The following LEMD2 variants were observed in gnomAD, a reference collection of about 807,000 sequenced individuals.
LEMD2 encodes LEM domain-containing protein 2.
LEMD2 carries 34 observed loss-of-function variants against 58.8 expected under a neutral mutation model. The ratio of observed to expected loss-of-function variants is 0.58; its 90% CI spans 0.44 to 0.77. The LOEUF is 0.77. LEMD2 is among the 30% of genes least tolerant of loss of function. The pLI is 0.00. For synonymous variants in LEMD2, 298 were observed against 308.9 expected (o/e 0.96, Z 0.37); for missense variants, 629 against 717.9 (o/e 0.88, Z 1.42).
chr6:33,778,112 T>C lies in LEMD2; in HGVS notation c.1156+130A>G. 1.2e-6 allele frequency: 1 copy of C among 866,554 alleles called. No homozygotes were observed. Among genetic ancestry groups the C allele is most frequent in the East Asian group, 3.1e-5 (1 of 31,814 alleles). 53.7% of individuals were successfully genotyped at this position (866,554 alleles called of 1,614,324 possible). On this transcript the variant is annotated intron_variant, in intron 6 of 8. Coordinates refer to ENST00000293760, the MANE Select transcript of LEMD2 (RefSeq NM_181336.4). The surrounding 1 kb of genome is among the most constrained non-coding windows in gnomAD (Gnocchi z 4.7). The stretch of plus-strand genomic sequence containing the variant: ...GGCTGACTTGTTCATCTCCTCTGTT[T>C]TATGAGACAGACCTCAGGTTCACTA...
intron 8 of LEMD2, 116 bp from the exon 9 acceptor site, chr6:33,772,894 G>A (rs778242755): frequency 1.8e-5 from 17 of 942,076 alleles, no homozygotes; most frequent in Admixed American, 2.7e-5. Context: ...ATGTAAGAGA[G>A]GAAAAGCTGG....
At chr6:33,781,689 C>T (rs1162142464) in intron 3 of LEMD2, 1 of 153,418 alleles carries the variant, frequency 6.5e-6, no homozygotes, top group Non-Finnish European at 1.4e-5. Context: ...AGGCCTGCTC[C>T]CATAGGATGG....
chr6:33,784,477 G>GGGGGCCCCCCC, intron 2 of LEMD2, 50 bp from the exon 3 acceptor site: 2 of 430,800 alleles, frequency 4.6e-6, no homozygotes, highest in Non-Finnish European at 9.5e-6. Context: ...GGTGGGAGGG[G>GGGGGCCCCCCC]TCCGTCTGTC....
At chr6:33,783,598 A>G (rs995611864) in intron 3 of LEMD2, among the ~76,000 whole-genome samples, 4 of 152,270 alleles carry the variant, frequency 2.6e-5, no homozygotes, top group Non-Finnish European at 4.4e-5. Flanking sequence ...TGATTTTGAG[A>G]GCCTCCTGGA....
At chr6:33,777,449 C>T (rs888749277) in intron 6 of LEMD2, among the ~76,000 whole-genome samples, 5 of 152,222 alleles carry the variant, frequency 3.3e-5, no homozygotes, top group South Asian at 2.1e-4. Flanking sequence ...TTCCTCCCAC[C>T]GGCTGTCACC....
At position 33,788,400 on chromosome 6, in the gene LEMD2, C is replaced by T. The variant is rs1473250577; in HGVS notation, c.717G>A (p.Pro239=). 2 of 1,581,174 alleles carry T rather than the reference C, an allele frequency of 1.3e-6. No individual in the cohort carries two copies. The highest frequency in any genetic ancestry group is 8.6e-7 in the Non-Finnish European group (1 of 1,164,892). The part of the protein sequence containing the change: ...LWVKMGKPSA[P]QEAEDNMKLL... ...ACGTACTGTTGTCCTCCGCCTCCTG[C>T]GGCGCTGAGGGCTTGCCCATCTTCA... The change falls in exon 1 of 9, where the codon CCG becomes CCA. Residue 239 remains proline (P), a synonymous_variant. Coordinates refer to ENST00000293760, the MANE Select transcript of LEMD2 (RefSeq NM_181336.4).
At chr6:33,787,647 A>G (rs1057049331) in intron 1 of LEMD2, among the ~76,000 whole-genome samples, 12 of 152,246 alleles carry the variant, frequency 7.9e-5, no homozygotes, top group African/African-American at 2.7e-4. Context: ...TCCTTTCAGA[A>G]AACACACAAT....
At chr6:33,780,069 C>T in intron 5 of LEMD2, 31 bp downstream of exon 5, 1 of 1,542,850 alleles carries the variant, frequency 6.5e-7, no homozygotes, top group Non-Finnish European at 8.8e-7. Context: ...TGCAGGCACC[C>T]ATGCTGCGTC....
Position 33,771,732 on chromosome 6 carries a change from G to A in LEMD2, c.*896C>T, listed in dbSNP as rs868741340. 1.3e-5 allele frequency: 2 copies of A among 152,244 alleles called. No individual in the cohort carries two copies. Among genetic ancestry groups the A allele is most frequent in the African/African-American group, 2.4e-5 (1 of 41,464 alleles). The allele number at this position is 152,244 out of a possible 1,614,324, so 9.4% of individuals were successfully genotyped here. A position where few individuals can be genotyped will look rare whatever the true frequency, so the allele number is the denominator to read the frequency against. On this transcript the variant is annotated 3_prime_UTR_variant, in exon 9 of 9. Coordinates refer to ENST00000293760, the MANE Select transcript of LEMD2 (RefSeq NM_181336.4). ...CCCGCCGCCAAGAGCCGCGGCCGGG[G>A]TAACAGAAACGCCGGCTGCGCTGAA...
At chr6:33,786,988 T>A in intron 1 of LEMD2, 1 of 1,079,264 alleles carries the variant, frequency 9.3e-7, no homozygotes, top group Non-Finnish European at 1.3e-6. Context: ...AGCTGGGTCC[T>A]TGTCCCAGCT....
In LEMD2 at chr6:33,778,464, G is replaced by A. The variant is rs943818118; in HGVS notation, c.1011-77C>T. On this transcript the variant is annotated intron_variant, in intron 5 of 8. Coordinates refer to ENST00000293760, the MANE Select transcript of LEMD2 (RefSeq NM_181336.4). This position sits in a 1 kb window ranked among gnomAD's most constrained non-coding sequence, Gnocchi z 4.7. ...AGTGCAAGCCCCACTTCAAACAGGA[G>A]GAAGCGAAGGAAAGTGGGGACGCAA... 8.0e-7 allele frequency: 1 copy of A among 1,248,548 alleles called. No homozygotes were observed. Among genetic ancestry groups the A allele is most frequent in the Non-Finnish European group, 1.1e-6 (1 of 937,220 alleles). The allele number at this position is 1,248,548 out of a possible 1,614,324, so 77.3% of individuals were successfully genotyped here. A position where few individuals can be genotyped will look rare whatever the true frequency, so the allele number is the denominator to read the frequency against.
rs903098097 is a variant in LEMD2 at position 33,789,125 on chromosome 6, C to T, written c.-9G>A. On this transcript the variant is annotated 5_prime_UTR_variant, in exon 1 of 9. Coordinates refer to ENST00000293760, the MANE Select transcript of LEMD2 (RefSeq NM_181336.4). ...TCCGACAGGCCGGCCATGGCCAGGA[C>T]GCCGCCCCCCGCCCGCCCCTGGCGC... 1 of 1,494,240 alleles carries T rather than the reference C, an allele frequency of 6.7e-7. No individual in the cohort carries two copies. The allele number at this position is 1,494,240 out of a possible 1,614,324, so 92.6% of individuals were successfully genotyped here.
chr6:33,788,784 C>G lies in LEMD2; in HGVS notation c.333G>C (p.Ala111=), dbSNP rs1767749153. 2.8e-6 allele frequency: 4 copies of G among 1,451,944 alleles called. No homozygotes were observed. The highest frequency in any genetic ancestry group is 3.6e-6 in the Non-Finnish European group (4 of 1,104,502). The allele number at this position is 1,451,944 out of a possible 1,614,324, so 89.9% of individuals were successfully genotyped here. A position where few individuals can be genotyped will look rare whatever the true frequency, so the allele number is the denominator to read the frequency against. The change falls in exon 1 of 9, where the codon GCG becomes GCC. Residue 111 remains alanine, a synonymous_variant. Coordinates refer to ENST00000293760, the MANE Select transcript of LEMD2 (RefSeq NM_181336.4). Reference sequence around the variant, plus strand: ...GGCCGCGGCTCCCTACCCAGGAAGCCGCGGAGGGCCGGATATCACCGTAGG... The same window carrying G: ...GGCCGCGGCTCCCTACCCAGGAAGCGGCGGAGGGCCGGATATCACCGTAGG... The part of the protein sequence containing the change: ...PGAYGDIRPS[A]ASWVGSRGLA...
chr6:33,775,821 C>T (rs928813466), intron 8 of LEMD2, among the ~76,000 whole-genome samples: 2 of 152,194 alleles, frequency 1.3e-5, no homozygotes, highest in African/African-American at 4.8e-5. Flanking sequence ...TGGTGAGGAC[C>T]AAGTGAGTGA....
rs2127384441 is a variant in LEMD2, at chr6:33,788,762, C to A, written c.355G>T (p.Gly119Cys). ...GCCGGGCGGGCAGGATAGGCGAGGC[C>A]GCGGCTCCCTACCCAGGAAGCCGCG... ...PSAASWVGSR[G>C]LAYPARPAQL... The change falls in exon 1 of 9, where the codon GGC (glycine) becomes TGC (cysteine). Residue 119 changes from glycine to cysteine, a missense_variant. By Grantham distance (159) the Gly-to-Cys change is radical. Coordinates refer to ENST00000293760, the MANE Select transcript of LEMD2 (RefSeq NM_181336.4). The A allele has an allele frequency of 1.4e-6, 2 of 1,448,916 alleles. No individual in the cohort carries two copies. The highest frequency in any genetic ancestry group is 1.3e-5 in the South Asian group (1 of 74,780). 89.8% of individuals were successfully genotyped at this position (1,448,916 alleles called of 1,614,324 possible).
rs1298787839 is a variant in LEMD2, at chr6:33,788,489, G to C, written c.628C>G (p.Leu210Val). ...PEVGRRLERW[L>V]SRLLLWASLG... is the part of the protein sequence containing the mutation. ...CTGGCCCAGAGCAGAAGCCGAGAGA[G>C]CCAGCGCTCCAGCCGGCGCCCCACC... The change falls in exon 1 of 9, where the codon CTC becomes GTC. Residue 210 changes from leucine (L) to valine (V), a missense_variant. Transcript: ENST00000293760. 6.5e-7 allele frequency: 1 copy of C among 1,549,226 alleles called. No homozygotes were observed. Among genetic ancestry groups the C allele is most frequent in the Admixed American group, 1.9e-5 (1 of 51,986 alleles).
chr6:33,788,950 G>GGCCGGGCCTCCTCCCGCA lies in LEMD2; in HGVS notation c.149_166dup (p.Leu50_Arg55dup). ...TTCCCGTAACCGCTCCTCGCCCCGC[G>GGCCGGGCCTCCTCCCGCA]GCCGGGCCTCCTCCCGCAGCCGCTC... On this transcript the variant is annotated inframe_insertion, in exon 1 of 9. Coordinates refer to ENST00000293760, the MANE Select transcript of LEMD2 (RefSeq NM_181336.4). 5 of 1,515,422 alleles carry GGCCGGGCCTCCTCCCGCA rather than the reference G, an allele frequency of 3.3e-6. No homozygotes were observed. The South Asian group carries it at 6.1e-5, about 18-fold the overall frequency. 93.9% of individuals were successfully genotyped at this position (1,515,422 alleles called of 1,614,324 possible). A position where few individuals can be genotyped will look rare whatever the true frequency, so the allele number is the denominator to read the frequency against.
chr6:33,784,567 C>T, intron 2 of LEMD2, 140 bp from the exon 3 acceptor site: 1 of 633,962 alleles, frequency 1.6e-6, no homozygotes, highest in Non-Finnish European at 2.8e-6. Flanking sequence ...GAAAAAAATT[C>T]TGCCAAGTGC....
Position 33,788,943 on chromosome 6 carries a change from G to C in LEMD2, c.174C>G (p.Gly58=). ...ERLREEARPR[G]EERLREEARL... ...GGGCCTCTTCCCGTAACCGCTCCTC[G>C]CCCCGCGGCCGGGCCTCCTCCCGCA... The change falls in exon 1 of 9, where the codon GGC becomes GGG. Residue 58 remains glycine (G), a synonymous_variant. Coordinates refer to ENST00000293760, the MANE Select transcript of LEMD2 (RefSeq NM_181336.4). The C allele has an allele frequency of 6.6e-7, 1 of 1,506,636 alleles. No individual in the cohort carries two copies. Among genetic ancestry groups the C allele is most frequent in the Non-Finnish European group, 8.8e-7 (1 of 1,135,564 alleles). The allele number at this position is 1,506,636 out of a possible 1,614,324, so 93.3% of individuals were successfully genotyped here.
Sources: allele counts gnomAD v4.1 joint callset (sites outside exome capture counted in the v4.1 genomes callset), GRCh38; gene constraint gnomAD v4.1.1; non-coding constraint Gnocchi (gnomAD v3.1); transcripts MANE v1.5; gene names NCBI Gene and HGNC (gene_info 2026-07-23, HGNC 2026-07-21).